Variants in CCNB3 observed in about 807,000 individuals in gnomAD.
The protein encoded by CCNB3 is cyclin B3.
Under a neutral mutation model 68.0 loss-of-function variants are expected in CCNB3, and 12 were observed. The ratio of observed to expected loss-of-function variants is 0.18; its 90% confidence interval spans 0.11 to 0.29. The LOEUF (loss-of-function observed/expected upper bound fraction) is 0.29. CCNB3 is among the 10% of genes least tolerant of loss of function. The pLI, the probability that CCNB3 is intolerant of heterozygous loss-of-function variation, is 1.00. For synonymous variants in CCNB3, 354 were observed against 388.9 expected (o/e 0.91, Z 1.06); for missense variants, 904 against 993.1 (o/e 0.91, Z 1.21).
At chrX:50,227,228 A>C (rs1215397257) in intron 1 of CCNB3, among the ~76,000 whole-genome samples, 5 of 83,061 alleles carry the variant, frequency 6.0e-5, no homozygotes, top group Non-Finnish European at 8.7e-5. Flanking sequence ...CAGAATATAT[A>C]TATAAATATA....
chrX:50,282,656 C>T (rs1936160633), intron 1 of CCNB3, among the ~76,000 whole-genome samples: 2 of 111,700 alleles, frequency 1.8e-5, no homozygotes, highest in East Asian at 5.6e-4. Context: ...CCTCTCCTCC[C>T]CTTCTCCCTG....
intron 11 of CCNB3, among the ~76,000 whole-genome samples, 194 bp from the exon 12 acceptor site, chrX:50,351,047 T>C (rs782762219): frequency 9.0e-6 from 1 of 111,583 alleles, no homozygotes; most frequent in African/African-American, 3.3e-5. Flanking sequence ...TCCCAGTAGT[T>C]TGTGGCTGGA....
intron 6 of CCNB3, 93 bp from the exon 7 acceptor site, chrX:50,312,444 C>T: frequency 1.4e-6 from 1 of 712,428 alleles, no homozygotes; most frequent in Non-Finnish European, 2.2e-6. Flanking sequence ...CAGAAGAAGA[C>T]AGTGGGGAGA....
rs1184201216 is a variant in CCNB3 at position 50,214,475 on chromosome X, CATATATAT to C, written c.-113+9552_-113+9559del. Among the ~76,000 whole-genome samples, 73 of 9,488 alleles carry C rather than the reference CATATATAT, an allele frequency of 7.7e-3. 10 individuals are homozygous for C. The East Asian group carries it at 0.14, about 18-fold the overall frequency. 8.2% of individuals were successfully genotyped at this position (9,488 alleles called of 115,157 possible). On this transcript the variant is annotated intron_variant, in intron 1 of 12. Coordinates refer to ENST00000376042, the MANE Select transcript of CCNB3 (RefSeq NM_033031.3). ...TTACCTTTCAGTTTTAGCTGTGGCCCATATATATATATATATATATATATATATATATA... is the reference window on the plus strand; with the variant it reads ...TTACCTTTCAGTTTTAGCTGTGGCCCATATATATATATATATATATATATA...
chrX:50,347,713 G>A lies in CCNB3; in HGVS notation c.3898G>A (p.Ala1300Thr). 1 of 1,211,155 alleles carries A rather than the reference G, an allele frequency of 8.3e-7. No individual in the cohort carries two copies. Among genetic ancestry groups the A allele is most frequent in the Non-Finnish European group, 1.1e-6 (1 of 895,319 alleles). ...GGAATACCACTATGTCCAGGAGAAG[G>A]CTTCCAAGCTAGCTGCTGCCTCCTT... ...LQEYHYVQEKASKLAAASLLL... is the reference protein window; with the variant it reads ...LQEYHYVQEKTSKLAAASLLL... Residue 1300 changes from alanine (A) to threonine (T), a missense_variant, in exon 11 of 13, where the codon GCT (alanine) becomes ACT (threonine). Around this residue, in one of 2 missense-constraint regions of CCNB3, gnomAD observed 285 missense variants for 383.4 expected, o/e 0.74. Coordinates refer to ENST00000376042, the MANE Select transcript of CCNB3 (RefSeq NM_033031.3).
At chrX:50,279,930 A>G (rs1354416914) in intron 1 of CCNB3, among the ~76,000 whole-genome samples, 3 of 85,720 alleles carry the variant, frequency 3.5e-5, no homozygotes, top group Non-Finnish European at 6.3e-5. Context: ...TATAGAATAA[A>G]TATGTATTTA....
At chrX:50,346,423 C>T (rs781831101) in intron 9 of CCNB3, among the ~76,000 whole-genome samples, 3 of 111,616 alleles carry the variant, frequency 2.7e-5, no homozygotes, top group Non-Finnish European at 5.7e-5. Context: ...GAGGTCCTAT[C>T]CTCTATCTGG....
At chrX:50,212,110 A>G (rs1416298918) in intron 1 of CCNB3, among the ~76,000 whole-genome samples, 3 of 112,197 alleles carry the variant, frequency 2.7e-5, no homozygotes, top group Non-Finnish European at 5.6e-5. Flanking sequence ...TGAATTTATA[A>G]TTCACACATC....
intron 8 of CCNB3, among the ~76,000 whole-genome samples, chrX:50,323,002 A>T (rs782143925): frequency 2.6e-3 from 295 of 111,942 alleles, no homozygotes; most frequent in African/African-American, 8.9e-3. Context: ...ATTGTGGAAG[A>T]CAGTGTGGCG....
intron 1 of CCNB3, among the ~76,000 whole-genome samples, chrX:50,279,235 T>C (rs1936024093): frequency 1.5e-5 from 1 of 67,975 alleles, no homozygotes; most frequent in East Asian, 5.1e-4. Context: ...TATAAATATA[T>C]ATGAATATAT....
At chrX:50,227,782 TATATAAATATATATAGAGAATAA>T (rs1935923832) in intron 1 of CCNB3, among the ~76,000 whole-genome samples, 1 of 84,128 alleles carries the variant, frequency 1.2e-5, no homozygotes, top group Non-Finnish European at 2.2e-5. Flanking sequence ...ATAGAGAATA[TATATAAATATATATAGAGAATAA>T]ATATAAATAT....
intron 1 of CCNB3, among the ~76,000 whole-genome samples, chrX:50,225,684 G>A (rs1447724774): frequency 9.1e-6 from 1 of 109,755 alleles, no homozygotes; most frequent in Non-Finnish European, 1.9e-5. Context: ...AAAAAAGTTA[G>A]AATCATAGAC....
intron 8 of CCNB3, among the ~76,000 whole-genome samples, chrX:50,317,858 C>G (rs1921815410): frequency 9.0e-6 from 1 of 111,317 alleles, no homozygotes; most frequent in South Asian, 3.8e-4. Flanking sequence ...GCGTGAGGCA[C>G]TGTGCCCGAC....
At chrX:50,351,117 T>G in intron 11 of CCNB3, 124 bp from the exon 12 acceptor site, 1 of 757,767 alleles carries the variant, frequency 1.3e-6, no homozygotes, top group Non-Finnish European at 2.0e-6. Flanking sequence ...GTGTGAGTCT[T>G]TGAAATGTTT....
In CCNB3 at chrX:50,288,786, G is replaced by A; in HGVS notation, c.103G>A (p.Glu35Lys). Residue 35 changes from glutamate (E) to lysine (K), a missense_variant, in exon 4 of 13, where the codon GAG becomes AAG. Physicochemically the swap from Glu to Lys is moderately conservative, Grantham distance 56 (BLOSUM62 1). Coordinates refer to ENST00000376042, the MANE Select transcript of CCNB3 (RefSeq NM_033031.3). ...SHHDPSEKTG[E>K]NCQTKISPSS... ...ACCTCTTTTACTTTTTTAGACGGGG[G>A]AGAATTGCCAAACGAAGATATCTCC... is the stretch of plus-strand genomic sequence containing the variant. The A allele has an allele frequency of 8.3e-7, 1 of 1,200,688 alleles. No individual in the cohort carries two copies.
chrX:50,297,456 T>A (rs1206726813), intron 5 of CCNB3, among the ~76,000 whole-genome samples: 10 of 111,809 alleles, frequency 8.9e-5, no homozygotes, highest in African/African-American at 3.2e-4. Context: ...GTGGTATTAT[T>A]TCTGAGGGCT....
At chrX:50,216,905 G>A (rs1935581484) in intron 1 of CCNB3, among the ~76,000 whole-genome samples, 1 of 110,327 alleles carries the variant, frequency 9.1e-6, no homozygotes, top group African/African-American at 3.3e-5. Context: ...TTATCATTTC[G>A]CAGTTTGAGA....
Position 50,226,898 on chromosome X carries a change from A to G in CCNB3, c.-113+21948A>G, listed in dbSNP as rs1242776821. 8.0e-5 allele frequency among the ~76,000 whole-genome samples: 6 copies of G among 75,137 alleles called. No individual in the cohort carries two copies. The South Asian group carries it at 3.6e-3, about 45-fold the overall frequency. 65.2% of individuals were successfully genotyped at this position (75,137 alleles called of 115,157 possible). A position where few individuals can be genotyped will look rare whatever the true frequency, so the allele number is the denominator to read the frequency against. On this transcript the variant is annotated intron_variant, in intron 1 of 12. Coordinates refer to ENST00000376042, the MANE Select transcript of CCNB3 (RefSeq NM_033031.3). Reference sequence around the variant, plus strand: ...AATATATATAGAATATATAGTATATATATAGAATATATAGTATATATATAG... The same window carrying G: ...AATATATATAGAATATATAGTATATGTATAGAATATATAGTATATATATAG...
intron 8 of CCNB3, among the ~76,000 whole-genome samples, chrX:50,338,008 A>C (rs1330367662): frequency 8.9e-6 from 1 of 112,336 alleles, no homozygotes; most frequent in Admixed American, 9.4e-5. Context: ...CCAGATGTCC[A>C]GACTCCAAGT....
Sources: gnomAD v4.1 joint callset for allele counts (sites outside exome capture counted in the v4.1 genomes callset) on GRCh38, gnomAD v4.1.1 for gene constraint, gnomAD v4.1.1 regional missense constraint, MANE v1.5 for transcripts, NCBI Gene and HGNC (gene_info 2026-07-23, HGNC 2026-07-21) for gene names.